The following KDM1B variants were observed in gnomAD, a reference collection of about 807,000 sequenced individuals.
KDM1B encodes the protein lysine demethylase 1B, also known as lysine-specific histone demethylase 2.
A neutral mutation model predicts 107.4 loss-of-function variants in KDM1B; 63 were observed. That is an observed-to-expected ratio of 0.59 (90% CI 0.48 to 0.72). KDM1B has a LOEUF of 0.72. Ranked by LOEUF, KDM1B falls within the 30% of genes least tolerant of loss-of-function variation. The pLI is 0.00. For missense variants in KDM1B, 749 were observed against 1,020.8 expected (o/e 0.73, Z 3.63); for synonymous variants, 363 against 363.9 (o/e 1.00, Z 0.03).
At chr6:18,170,932 T>G (rs956067244) in intron 6 of KDM1B, among the ~76,000 whole-genome samples, 41 of 151,632 alleles carry the variant, frequency 2.7e-4, no homozygotes, top group East Asian at 2.4e-3. Context: ...GCCATTCTCC[T>G]GCCTCAGCCT....
Position 18,222,333 on chromosome 6 carries a change from C to G in KDM1B, c.*341C>G. Reference sequence around the variant, plus strand: ...AGATTTCACATTTTATATGGCTGATCAATTTTCATACATTGAGAAACCAAG... The same window carrying G: ...AGATTTCACATTTTATATGGCTGATGAATTTTCATACATTGAGAAACCAAG... On this transcript the variant is annotated 3_prime_UTR_variant, in exon 22 of 22. Coordinates refer to ENST00000650836, the MANE Select transcript of KDM1B (RefSeq NM_001364614.2). 1 of 367,406 alleles carries G rather than the reference C, an allele frequency of 2.7e-6. No individual in the cohort carries two copies. Among genetic ancestry groups the G allele is most frequent in the South Asian group, 2.3e-5 (1 of 44,336 alleles). 22.8% of individuals were successfully genotyped at this position (367,406 alleles called of 1,614,324 possible). A position where few individuals can be genotyped will look rare whatever the true frequency, so the allele number is the denominator to read the frequency against.
At chr6:18,206,049 G>A (rs1027556311) in intron 15 of KDM1B, among the ~76,000 whole-genome samples, 5 of 151,982 alleles carry the variant, frequency 3.3e-5, no homozygotes, top group Non-Finnish European at 2.9e-5. Flanking sequence ...TATTGAATTT[G>A]AGCTGGTTTC....
At position 18,186,956 on chromosome 6, in the gene KDM1B, A is replaced by G. The variant is rs1244475424; in HGVS notation, c.574-836A>G. Among the ~76,000 whole-genome samples the G allele has an allele frequency of 7.9e-6, 1 of 127,352 alleles. No homozygotes were observed. The highest frequency in any genetic ancestry group is 1.6e-5 in the Non-Finnish European group (1 of 61,030). 83.5% of individuals were successfully genotyped at this position (127,352 alleles called of 152,430 possible). A position where few individuals can be genotyped will look rare whatever the true frequency, so the allele number is the denominator to read the frequency against. On this transcript the variant is annotated intron_variant, in intron 8 of 21. Transcript: ENST00000650836. This position sits in a 1 kb window ranked among gnomAD's most constrained non-coding sequence, Gnocchi z 5.6. ...ACCCAGCCAAACCATATCAGTATGT[A>G]TATATGTGTGTGTGTGTACACACAC...
At position 18,204,305 on chromosome 6, in the gene KDM1B, T is replaced by C. The variant is rs775846276; in HGVS notation, c.1532-1232T>C. 4.6e-5 allele frequency among the ~76,000 whole-genome samples: 7 copies of C among 151,950 alleles called. No homozygotes were observed. Among genetic ancestry groups the C allele is most frequent in the Non-Finnish European group, 8.8e-5 (6 of 67,990 alleles). ...TTTGAGACCAGCCTGGGCAACATGG[T>C]GAAACCCATCTCTACTAAAAATTCA... On this transcript the variant is annotated intron_variant, in intron 14 of 21. Transcript: ENST00000650836. This position sits in a 1 kb window ranked among gnomAD's most constrained non-coding sequence, Gnocchi z 4.9.
intron 10 of KDM1B, among the ~76,000 whole-genome samples, chr6:18,193,351 T>C (rs1365768791): frequency 7.0e-6 from 1 of 142,306 alleles, no homozygotes; most frequent in Non-Finnish European, 1.5e-5. Flanking sequence ...TTGCCCAGGC[T>C]GGAGTACAGT....
Position 18,197,720 on chromosome 6 carries a change from T to C in KDM1B, c.1221+59T>C. 3 of 1,254,818 alleles carry C rather than the reference T, an allele frequency of 2.4e-6. No individual in the cohort carries two copies. The highest frequency in any genetic ancestry group is 1.9e-4 in the Middle Eastern group (1 of 5,246). 77.7% of individuals were successfully genotyped at this position (1,254,818 alleles called of 1,614,324 possible). Reference sequence around the variant, plus strand: ...GGTTGACTGCTCCTTTTGGTCCAAATTTCTAAGATTTAGAAACCAGTTCCT... The same window carrying C: ...GGTTGACTGCTCCTTTTGGTCCAAACTTCTAAGATTTAGAAACCAGTTCCT... On this transcript the variant is annotated intron_variant, in intron 12 of 21. Coordinates refer to ENST00000650836, the MANE Select transcript of KDM1B (RefSeq NM_001364614.2). This position sits in a 1 kb window ranked among gnomAD's most constrained non-coding sequence, Gnocchi z 4.5.
intron 9 of KDM1B, among the ~76,000 whole-genome samples, chr6:18,190,442 A>G (rs1787201496): frequency 1.3e-5 from 2 of 151,236 alleles, no homozygotes; most frequent in African/African-American, 4.9e-5. Context: ...AATACAAAAA[A>G]AAAAAAAAAA....
rs759902199 is a variant in KDM1B at position 18,162,816 on chromosome 6, T to A, written c.216-19T>A. ...ATGTTTATTCATTACCAAAGCTATA[T>A]GTTTTTCACTATTTTCAGATGTGCC... On this transcript the variant is annotated intron_variant, in intron 4 of 21. Transcript: ENST00000650836. The surrounding 1 kb of genome is among the most constrained non-coding windows in gnomAD (Gnocchi z 4.1). 7.3e-7 allele frequency: 1 copy of A among 1,375,908 alleles called. No individual in the cohort carries two copies. Among genetic ancestry groups the A allele is most frequent in the Non-Finnish European group, 1.0e-6 (1 of 962,980 alleles). The allele number at this position is 1,375,908 out of a possible 1,614,324, so 85.2% of individuals were successfully genotyped here. A position where few individuals can be genotyped will look rare whatever the true frequency, so the allele number is the denominator to read the frequency against.
In KDM1B at chr6:18,200,210, C is replaced by G. The variant is rs1449778119; in HGVS notation, c.1222-229C>G. Among the ~76,000 whole-genome samples, 1 of 152,190 alleles carries G rather than the reference C, an allele frequency of 6.6e-6. No individual in the cohort carries two copies. The highest frequency in any genetic ancestry group is 1.5e-5 in the Non-Finnish European group (1 of 68,030). On this transcript the variant is annotated intron_variant, in intron 12 of 21. Coordinates refer to ENST00000650836, the MANE Select transcript of KDM1B (RefSeq NM_001364614.2). The surrounding 1 kb of genome is among the most constrained non-coding windows in gnomAD (Gnocchi z 4.3). ...ATCTTAGTATCTGGTTTGAGTGATT[C>G]TTTCAACAGACCACTCAGTTTTTCC...
chr6:18,174,735 C>T (rs1186367159), intron 7 of KDM1B, among the ~76,000 whole-genome samples: 1 of 152,146 alleles, frequency 6.6e-6, no homozygotes, highest in African/African-American at 2.4e-5. Context: ...TCCTGAGTTA[C>T]TTCACTTAGA....
intron 7 of KDM1B, among the ~76,000 whole-genome samples, chr6:18,178,426 C>T (rs1786191191): frequency 6.7e-6 from 1 of 149,622 alleles, no homozygotes; most frequent in Non-Finnish European, 1.5e-5. Flanking sequence ...CAGAGTCTTG[C>T]TTTGTCGCCA....
intron 17 of KDM1B, among the ~76,000 whole-genome samples, chr6:18,210,942 G>T (rs1788814824): frequency 6.6e-6 from 1 of 152,158 alleles, no homozygotes; most frequent in African/African-American, 2.4e-5. Context: ...TGAGGCTGCT[G>T]TGAGCTGTGA....
chr6:18,166,445 A>G (rs1043663626), intron 6 of KDM1B, 67 bp downstream of exon 6: 13 of 882,690 alleles, frequency 1.5e-5, no homozygotes, highest in Non-Finnish European at 2.1e-5. Context: ...CATGGATGAA[A>G]ATGCTGTTTA....
At chr6:18,219,065 A>G (rs896849896) in intron 21 of KDM1B, among the ~76,000 whole-genome samples, 7 of 151,554 alleles carry the variant, frequency 4.6e-5, no homozygotes, top group African/African-American at 1.7e-4. Flanking sequence ...ACCACGCCCG[A>G]CTAATTTTTT....
chr6:18,158,832 A>G (rs1784793123), intron 2 of KDM1B, among the ~76,000 whole-genome samples: 1 of 152,132 alleles, frequency 6.6e-6, no homozygotes, highest in Non-Finnish European at 1.5e-5. Context: ...CCATGCTGTT[A>G]TTGGACTAGT....
intron 3 of KDM1B, among the ~76,000 whole-genome samples, 195 bp from the exon 4 acceptor site, chr6:18,161,132 A>G (rs1035303553): frequency 2.0e-5 from 3 of 152,100 alleles, no homozygotes; most frequent in East Asian, 1.9e-4. Flanking sequence ...TGCTATTTCT[A>G]TATCTCTAGC....
chr6:18,215,768 A>G (rs1163443318), intron 20 of KDM1B, among the ~76,000 whole-genome samples: 1 of 150,920 alleles, frequency 6.6e-6, no homozygotes, highest in African/African-American at 2.4e-5. Flanking sequence ...TAAGGATATA[A>G]AAGGCTCGGT....
In KDM1B at chr6:18,214,935, C is replaced by CA. The variant is rs66551414; in HGVS notation, c.2110-64dup. 0.22 allele frequency: 331,234 copies of CA among 1,473,468 alleles called. 43,788 individuals carry two copies. Among genetic ancestry groups the CA allele is most frequent in the African/African-American group, 0.6 (41,204 of 68,378 alleles). 91.3% of individuals were successfully genotyped at this position (1,473,468 alleles called of 1,614,324 possible). ...ATTTAAAACAAAACAAAACAAAAAACAAAAAAAAGAGGCCCTTATCTGTGG... is the reference window on the plus strand; with the variant it reads ...ATTTAAAACAAAACAAAACAAAAAACAAAAAAAAAGAGGCCCTTATCTGTGG... On this transcript the variant is annotated intron_variant, in intron 19 of 21. Coordinates refer to ENST00000650836, the MANE Select transcript of KDM1B (RefSeq NM_001364614.2). This position sits in a 1 kb window ranked among gnomAD's most constrained non-coding sequence, Gnocchi z 4.4.
Position 18,203,052 on chromosome 6 carries a change from T to A in KDM1B, c.1531+1395T>A, listed in dbSNP as rs1582182840. 6.6e-6 allele frequency among the ~76,000 whole-genome samples: 1 copy of A among 152,072 alleles called. No individual in the cohort carries two copies. Among genetic ancestry groups the A allele is most frequent in the South Asian group, 2.1e-4 (1 of 4,824 alleles). On this transcript the variant is annotated intron_variant, in intron 14 of 21. Transcript: ENST00000650836. This position sits in a 1 kb window ranked among gnomAD's most constrained non-coding sequence, Gnocchi z 5.5. ...CCTGTGTTGCAGTCACTGGCTGGAG[T>A]TTTCATTACATGTCTTTCAGAGTCA... is the stretch of plus-strand genomic sequence containing the variant.
Sources: gnomAD v4.1 joint callset for allele counts (sites outside exome capture counted in the v4.1 genomes callset) on GRCh38, gnomAD v4.1.1 for gene constraint, Gnocchi (gnomAD v3.1) non-coding constraint, MANE v1.5 for transcripts, NCBI Gene and HGNC (gene_info 2026-07-23, HGNC 2026-07-21) for gene names.